Variants in USH2A observed in about 807,000 individuals in gnomAD.
USH2A encodes usherin.
Under a neutral mutation model 538.9 loss-of-function variants are expected in USH2A, and 443 were observed. That is an observed-to-expected ratio of 0.82 (90% CI 0.76 to 0.89). The LOEUF (loss-of-function observed/expected upper bound fraction) is 0.89. Ranked by LOEUF, USH2A falls within the 40% of genes least tolerant of loss-of-function variation. The pLI, the probability that USH2A is intolerant of heterozygous loss-of-function variation, is 0.00. For synonymous variants in USH2A, 2,413 were observed against 2,273.5 expected, an observed-to-expected ratio of 1.06 and a Z score of -1.75; for missense variants, 6,633 against 6,324.8, an observed-to-expected ratio of 1.05 and a Z score of -1.65.
At chr1:215,774,764 A>G (rs759276900) in intron 55 of USH2A, among the ~76,000 whole-genome samples, 2 of 152,116 alleles carry the variant, frequency 1.3e-5, no homozygotes, top group Non-Finnish European at 2.9e-5. Flanking sequence ...GGCAAAGTAC[A>G]TTGGAATATC....
intron 24 of USH2A, among the ~76,000 whole-genome samples, chr1:216,085,401 T>A (rs1013027457): frequency 6.6e-6 from 1 of 151,390 alleles, no homozygotes; most frequent in Non-Finnish European, 1.5e-5. Context: ...GTGAATAGGG[T>A]GATAACAGAA....
chr1:215,905,689 A>G (rs1210803070), intron 38 of USH2A, among the ~76,000 whole-genome samples: 2 of 152,022 alleles, frequency 1.3e-5, no homozygotes, highest in Non-Finnish European at 2.9e-5. Flanking sequence ...TTGTTCATCC[A>G]GGTTAATGAT....
At chr1:216,399,252 G>A (rs2039267602) in intron 3 of USH2A, among the ~76,000 whole-genome samples, 1 of 152,090 alleles carries the variant, frequency 6.6e-6, no homozygotes, top group South Asian at 2.1e-4. Flanking sequence ...CCAACCTCTG[G>A]TGTCAGTGGG....
At chr1:215,863,236 C>A (rs1664378019) in intron 44 of USH2A, among the ~76,000 whole-genome samples, 1 of 151,928 alleles carries the variant, frequency 6.6e-6, no homozygotes, top group Non-Finnish European at 1.5e-5. Flanking sequence ...ATGTAGAGTA[C>A]AAGTGAAGAG....
chr1:216,077,349 T>C (rs1309742630), intron 27 of USH2A, among the ~76,000 whole-genome samples: 1 of 152,048 alleles, frequency 6.6e-6, no homozygotes, highest in Non-Finnish European at 1.5e-5. Context: ...CACAAGTATG[T>C]TTGGAAGTCA....
At chr1:215,754,724 T>A (rs182150797) in intron 58 of USH2A, among the ~76,000 whole-genome samples, 202 of 152,288 alleles carry the variant, frequency 1.3e-3, no homozygotes, top group Middle Eastern at 0.01. Flanking sequence ...TTATGTTGGG[T>A]GGCATTCAAA....
At chr1:215,877,601 T>TA (rs1479915220) in intron 43 of USH2A, among the ~76,000 whole-genome samples, 157 bp downstream of exon 43, 1 of 152,194 alleles carries the variant, frequency 6.6e-6, no homozygotes, top group East Asian at 1.9e-4. Flanking sequence ...TGCTGACTGT[T>TA]ACAGCTGGGT....
intron 32 of USH2A, among the ~76,000 whole-genome samples, chr1:216,031,455 C>T (rs1010358951): frequency 6.6e-6 from 1 of 152,118 alleles, no homozygotes; most frequent in Non-Finnish European, 1.5e-5. Context: ...TACAATAGAG[C>T]TGTTAACAAA....
At chr1:216,088,456 T>G (rs2032201137) in intron 23 of USH2A, among the ~76,000 whole-genome samples, 1 of 152,158 alleles carries the variant, frequency 6.6e-6, no homozygotes, top group Non-Finnish European at 1.5e-5. Context: ...CTGATTAAAA[T>G]TAGATATTTC....
At chr1:215,779,788 C>A in intron 55 of USH2A, 55 bp downstream of exon 55, 1 of 1,602,248 alleles carries the variant, frequency 6.2e-7, no homozygotes, top group Non-Finnish European at 8.5e-7. Flanking sequence ...CTTTGCCCCC[C>A]TAACCACAAT....
At chr1:216,364,819 C>T in intron 4 of USH2A, 134 bp downstream of exon 4, 1 of 1,174,402 alleles carries the variant, frequency 8.5e-7, no homozygotes. Flanking sequence ...ATCTGCCATC[C>T]AGTTGGTGGT....
chr1:215,832,383 A>G (rs994006989), intron 47 of USH2A, among the ~76,000 whole-genome samples: 1 of 151,942 alleles, frequency 6.6e-6, no homozygotes, highest in Non-Finnish European at 1.5e-5. Context: ...AACATTTTCT[A>G]TAAGATAATA....
intron 3 of USH2A, among the ~76,000 whole-genome samples, chr1:216,389,117 T>G (rs904632880): frequency 9.9e-5 from 15 of 152,176 alleles, no homozygotes; most frequent in African/African-American, 3.4e-4. Flanking sequence ...AGTGACTACT[T>G]TATCATCGCA....
chr1:216,284,913 G>T (rs1418430861), intron 11 of USH2A, among the ~76,000 whole-genome samples: 9 of 152,148 alleles, frequency 5.9e-5, no homozygotes, highest in Non-Finnish European at 1.0e-4. Context: ...GTGGCATTTT[G>T]CCCCTCCCCT....
At chr1:215,765,641 C>A (rs1661106409) in intron 56 of USH2A, among the ~76,000 whole-genome samples, 1 of 151,778 alleles carries the variant, frequency 6.6e-6, no homozygotes, top group South Asian at 2.1e-4. Flanking sequence ...ATGACACCAG[C>A]CATCCCACCT....
In USH2A at chr1:215,650,727, T is replaced by C. The variant is rs144125987; in HGVS notation, c.14208A>G (p.Glu4736=). ...CATGGAACGTGGGGGCTCTGAGACC[T>C]TCTGGTGGGGCTGGCCCGGTTCTGC... is the stretch of plus-strand genomic sequence containing the variant. ...TWCRTGPAPP[E]GLRAPTFHVI... Residue 4736 remains glutamate (E), a synonymous_variant, in exon 65 of 72, where the codon GAA becomes GAG. Transcript: ENST00000307340. 3.1e-6 allele frequency: 5 copies of C among 1,613,904 alleles called. No homozygotes were observed. The African/African-American group carries it at 4.0e-5, about 13-fold the overall frequency.
intron 61 of USH2A, among the ~76,000 whole-genome samples, chr1:215,707,651 G>A (rs1659217532): frequency 6.6e-6 from 1 of 152,172 alleles, no homozygotes; most frequent in African/African-American, 2.4e-5. Flanking sequence ...TCTGAGATTG[G>A]TTTGTGATCT....
At chr1:216,278,281 G>A (rs1275732005) in intron 11 of USH2A, among the ~76,000 whole-genome samples, 1 of 152,048 alleles carries the variant, frequency 6.6e-6, no homozygotes, top group Non-Finnish European at 1.5e-5. Flanking sequence ...ATAAACTGGA[G>A]GCTAAGACCT....
At chr1:216,328,299 T>G (rs2102659849) in intron 4 of USH2A, among the ~76,000 whole-genome samples, 1 of 152,240 alleles carries the variant, frequency 6.6e-6, no homozygotes, top group African/African-American at 2.4e-5. Context: ...CTACTTTGAA[T>G]TAGGTGACCT....
Sources: allele counts gnomAD v4.1 joint callset (sites outside exome capture counted in the v4.1 genomes callset), GRCh38; gene constraint gnomAD v4.1.1; transcripts MANE v1.5; gene names NCBI Gene and HGNC (gene_info 2026-07-23, HGNC 2026-07-21).